The following MOBP variants were observed in gnomAD, a reference collection of about 807,000 sequenced individuals.
The protein encoded by MOBP is myelin associated oligodendrocyte basic protein, also known as myelin-associated oligodendrocyte basic protein.
A neutral mutation model predicts 15.0 loss-of-function variants in MOBP; 5 were observed. The observed-to-expected ratio is 0.33, with a 90% CI of 0.17 to 0.70. MOBP has a LOEUF of 0.70. MOBP is among the 30% of genes least tolerant of loss of function. The pLI is 0.67. For missense variants in MOBP, 188 were observed against 257.8 expected (o/e 0.73, Z 1.85); for synonymous variants, 88 against 99.0 (o/e 0.89, Z 0.66).
At position 39,502,248 on chromosome 3, in the gene MOBP, G is replaced by A; in HGVS notation, c.179G>A (p.Trp60Ter). 1 of 1,614,204 alleles carries A rather than the reference G, an allele frequency of 6.2e-7. No homozygotes were observed. Among genetic ancestry groups the A allele is most frequent in the Non-Finnish European group, 8.5e-7 (1 of 1,180,040 alleles). ...TTCTACCAGAAGAAAGAGGAGGACT[G>A]GATCTGCTGCGCCTGCCAGAAGACC... ...GCFYQKKEED[W>*]ICCACQKTRT... is the part of the protein sequence containing the mutation. Residue 60 changes from tryptophan (W) to a stop codon, truncating the protein, a stop_gained, in exon 3 of 4, where the codon TGG becomes TAG. Transcript: ENST00000684792. LOFTEE classifies it high-confidence loss of function. This position sits in a 1 kb window ranked among gnomAD's most constrained non-coding sequence, Gnocchi z 6.3.
At chr3:39,489,485 ATG>A (rs1292816287) in intron 2 of MOBP, among the ~76,000 whole-genome samples, 3 of 152,130 alleles carry the variant, frequency 2.0e-5, no homozygotes, top group African/African-American at 7.2e-5. Context: ...CAGTCATCTT[ATG>A]TGTATATTCT....
At chr3:39,512,837 A>G (rs1036704589) in intron 4 of MOBP, among the ~76,000 whole-genome samples, 2 of 152,232 alleles carry the variant, frequency 1.3e-5, no homozygotes, top group Non-Finnish European at 2.9e-5. Context: ...ATATCACACA[A>G]CATTTCAGTT....
chr3:39,507,058 G>T (rs1457751142), downstream of MOBP, among the ~76,000 whole-genome samples: 1 of 152,036 alleles, frequency 6.6e-6, no homozygotes, highest in Admixed American at 6.6e-5. Flanking sequence ...AGGTCCCCTA[G>T]GGTTCCCTAC....
intron 2 of MOBP, among the ~76,000 whole-genome samples, chr3:39,501,653 T>C (rs1013358584): frequency 6.6e-6 from 1 of 152,212 alleles, no homozygotes; most frequent in African/African-American, 2.4e-5. Flanking sequence ...TAGTATTTTA[T>C]TGCATGAATG....
At chr3:39,491,818 A>C (rs1207152667) in intron 2 of MOBP, among the ~76,000 whole-genome samples, 1 of 152,222 alleles carries the variant, frequency 6.6e-6, no homozygotes, top group South Asian at 2.1e-4. Context: ...AAGGAGGCAG[A>C]TACTTGTTTT....
intron 2 of MOBP, among the ~76,000 whole-genome samples, chr3:39,485,794 T>C (rs1467013173): frequency 2.0e-5 from 3 of 152,218 alleles, no homozygotes; most frequent in African/African-American, 7.2e-5. Flanking sequence ...TCCCCTGTTT[T>C]TGAGGATCAA....
intron 3 of MOBP, among the ~76,000 whole-genome samples, chr3:39,522,071 C>T (rs538547243): frequency 6.6e-6 from 1 of 152,160 alleles, no homozygotes; most frequent in Non-Finnish European, 1.5e-5. Flanking sequence ...TTCTCCATCA[C>T]TGGGAGAGGT....
chr3:39,512,882 A>G (rs1236557305), intron 4 of MOBP, among the ~76,000 whole-genome samples: 2 of 152,200 alleles, frequency 1.3e-5, no homozygotes, highest in Non-Finnish European at 2.9e-5. Flanking sequence ...TCTGGGCCAC[A>G]TATTTATAAT....
intron 1 of MOBP, among the ~76,000 whole-genome samples, chr3:39,468,805 T>C (rs376144329): frequency 8.5e-6 from 1 of 117,858 alleles, no homozygotes; most frequent in Non-Finnish European, 1.6e-5. Context: ...TATATATACA[T>C]ATGTGTGTGT....
intron 2 of MOBP, among the ~76,000 whole-genome samples, chr3:39,480,747 C>G (rs964274315): frequency 6.6e-6 from 1 of 152,216 alleles, no homozygotes; most frequent in African/African-American, 2.4e-5. Context: ...CCCACTCCCT[C>G]TCCACTTAGG....
At chr3:39,482,140 A>G (rs749065349) in intron 2 of MOBP, among the ~76,000 whole-genome samples, 10 of 152,112 alleles carry the variant, frequency 6.6e-5, no homozygotes, top group Non-Finnish European at 1.3e-4. Flanking sequence ...TTTCTCTAGT[A>G]GATACTTCCA....
chr3:39,495,041 T>G (rs2042857787), intron 2 of MOBP, among the ~76,000 whole-genome samples: 1 of 152,164 alleles, frequency 6.6e-6, no homozygotes, highest in African/African-American at 2.4e-5. Context: ...GAAGTTGAGC[T>G]GTGGTCCAAG....
chr3:39,473,085 G>A (rs2042494596), intron 1 of MOBP, among the ~76,000 whole-genome samples: 2 of 152,182 alleles, frequency 1.3e-5, no homozygotes, highest in African/African-American at 4.8e-5. Flanking sequence ...CATCATGTGT[G>A]CTCCAAGAGT....
downstream of MOBP, chr3:39,526,735 A>G (rs1426257249): frequency 6.7e-6 from 1 of 149,826 alleles, no homozygotes; most frequent in Non-Finnish European, 1.5e-5. Flanking sequence ...GCTAATTTCC[A>G]TGGTGTAAAT....
chr3:39,507,641 G>A (rs2125662832), downstream of MOBP, among the ~76,000 whole-genome samples: 1 of 152,250 alleles, frequency 6.6e-6, no homozygotes, highest in South Asian at 2.1e-4. Flanking sequence ...CAGTAGTTAG[G>A]GCTGGCTGAG....
intron 2 of MOBP, among the ~76,000 whole-genome samples, chr3:39,492,074 G>A (rs2042803696): frequency 6.6e-6 from 1 of 152,142 alleles, no homozygotes; most frequent in Non-Finnish European, 1.5e-5. Context: ...CCAGAATAAC[G>A]CTCTTGGTTC....
intron 1 of MOBP, among the ~76,000 whole-genome samples, chr3:39,469,028 ATATATACATATATACATATGTGTGTG>A (rs2042409441): frequency 5.6e-5 from 3 of 53,968 alleles, no homozygotes; most frequent in South Asian, 4.8e-4. Flanking sequence ...ATGTGTGTAT[ATATATACATATATACATATGTGTGTG>A]TATATACATA....
At chr3:39,480,826 A>G (rs1055645062) in intron 2 of MOBP, among the ~76,000 whole-genome samples, 3 of 152,188 alleles carry the variant, frequency 2.0e-5, no homozygotes, top group Non-Finnish European at 4.4e-5. Flanking sequence ...TCATCCATCT[A>G]TTGTCATTCT....
At chr3:39,500,197 CT>C (rs1480198503) in intron 2 of MOBP, 6 of 405,610 alleles carry the variant, frequency 1.5e-5, no homozygotes, top group African/African-American at 4.1e-5. Context: ...TAATCACTTA[CT>C]TGCCTGTATC....
Sources: allele counts gnomAD v4.1 joint callset (sites outside exome capture counted in the v4.1 genomes callset), GRCh38; gene constraint gnomAD v4.1.1; non-coding constraint Gnocchi (gnomAD v3.1); transcripts MANE v1.5; gene names NCBI Gene and HGNC (gene_info 2026-07-23, HGNC 2026-07-21).